Variants in GRIA4 observed in about 807,000 individuals in gnomAD.
GRIA4 encodes the protein glutamate receptor 4.
Under a neutral mutation model 104.0 loss-of-function variants are expected in GRIA4, and 34 were observed. The ratio of observed to expected loss-of-function variants is 0.33; its 90% CI spans 0.25 to 0.44. GRIA4 has a LOEUF of 0.44. Ranked by LOEUF, GRIA4 falls within the 20% of genes least tolerant of loss-of-function variation. The pLI is 1.00. For synonymous variants in GRIA4, 386 were observed against 381.9 expected, an observed-to-expected ratio of 1.01 and a Z score of -0.13; for missense variants, 750 against 1,096.5, an observed-to-expected ratio of 0.68 and a Z score of 4.46.
chr11:105,769,912 T>C (rs551972367), intron 4 of GRIA4, among the ~76,000 whole-genome samples: 27 of 152,226 alleles, frequency 1.8e-4, no homozygotes, highest in South Asian at 6.2e-4. Context: ...GAGATATTTT[T>C]CCCCTAATTT....
chr11:105,815,324 T>A (rs1943332733), intron 4 of GRIA4, among the ~76,000 whole-genome samples: 2 of 152,158 alleles, frequency 1.3e-5, no homozygotes, highest in Admixed American at 1.3e-4. Context: ...AAATTTGCTG[T>A]TCCCCAAAAC....
At chr11:105,616,162 AATTG>A (rs1321020955) in intron 3 of GRIA4, among the ~76,000 whole-genome samples, 2 of 151,722 alleles carry the variant, frequency 1.3e-5, no homozygotes, top group East Asian at 1.9e-4. Flanking sequence ...AGAAAGGACT[AATTG>A]ATTAATATTT....
chr11:105,612,463 A>C, intron 3 of GRIA4, 29 bp downstream of exon 3: 1 of 1,599,006 alleles, frequency 6.3e-7, no homozygotes. Context: ...ATGAAAAATT[A>C]GAAGAGAACT....
chr11:105,626,610 A>G (rs1950893202), intron 3 of GRIA4, among the ~76,000 whole-genome samples: 1 of 152,134 alleles, frequency 6.6e-6, no homozygotes, highest in Non-Finnish European at 1.5e-5. Flanking sequence ...CTAAACACGA[A>G]CATTTCATTA....
rs148971710 is a variant in GRIA4 at position 105,640,818 on chromosome 11, G to C, written c.247+28384G>C. On this transcript the variant is annotated intron_variant, in intron 3 of 16. Coordinates refer to ENST00000282499, the MANE Select transcript of GRIA4 (RefSeq NM_000829.4). ...TATGCATTTTAGAATTAGATAACTA[G>C]TCATAGCTAATTATTTTCATTTTGT... 2.6e-5 allele frequency among the ~76,000 whole-genome samples: 4 copies of C among 152,016 alleles called. No individual in the cohort carries two copies. The East Asian group carries it at 7.7e-4, about 29-fold the overall frequency.
intron 4 of GRIA4, among the ~76,000 whole-genome samples, chr11:105,813,260 C>T (rs1475513132): frequency 6.6e-6 from 1 of 151,984 alleles, no homozygotes; most frequent in Non-Finnish European, 1.5e-5. Flanking sequence ...CATAAAACTA[C>T]CTCTCATCTG....
chr11:105,688,113 T>C (rs938142228), intron 3 of GRIA4, among the ~76,000 whole-genome samples: 2 of 67,664 alleles, frequency 3.0e-5, no homozygotes, highest in Admixed American at 4.0e-4. Context: ...CATATCTATA[T>C]CTATATCTAT....
At chr11:105,714,689 A>G (rs1346518828) in intron 3 of GRIA4, among the ~76,000 whole-genome samples, 2 of 152,176 alleles carry the variant, frequency 1.3e-5, no homozygotes, top group East Asian at 3.8e-4. Context: ...GCCAATAAAG[A>G]TATTTATTAA....
intron 4 of GRIA4, among the ~76,000 whole-genome samples, chr11:105,781,628 T>A (rs1015681082): frequency 1.3e-5 from 2 of 152,106 alleles, no homozygotes; most frequent in African/African-American, 4.8e-5. Context: ...AAGAAAAAAA[T>A]TTACCTCATT....
chr11:105,913,763 A>G (rs573100269), intron 10 of GRIA4, among the ~76,000 whole-genome samples: 9 of 152,172 alleles, frequency 5.9e-5, no homozygotes, highest in African/African-American at 2.2e-4. Flanking sequence ...TTACTACCGA[A>G]GTTAAGGGAT....
At chr11:105,960,521 T>C (rs1948712677) in intron 14 of GRIA4, among the ~76,000 whole-genome samples, 1 of 152,144 alleles carries the variant, frequency 6.6e-6, no homozygotes, top group South Asian at 2.1e-4. Context: ...CCTGGAGCTA[T>C]AGAAATGGGT....
chr11:105,661,581 T>A (rs2135412031), intron 3 of GRIA4, among the ~76,000 whole-genome samples: 1 of 151,846 alleles, frequency 6.6e-6, no homozygotes, highest in East Asian at 1.9e-4. Context: ...AAGAAAATGT[T>A]CATACCTTTA....
chr11:105,921,540 C>T (rs1947564625), intron 11 of GRIA4, among the ~76,000 whole-genome samples: 1 of 152,144 alleles, frequency 6.6e-6, no homozygotes, highest in African/African-American at 2.4e-5. Flanking sequence ...TTTCTAGACT[C>T]TCACCTATCT....
rs573837297 is a variant in GRIA4, at chr11:105,683,292, TAATA to T, written c.248-69684_248-69681del. 1.9e-3 allele frequency among the ~76,000 whole-genome samples: 294 copies of T among 151,834 alleles called. 1 individual carries two copies. Among genetic ancestry groups the T allele is most frequent in the African/African-American group, 6.9e-3 (285 of 41,540 alleles). ...GATGCCTCTTTAGATTATATTATAT[TAATA>T]AATATTCTTAATTAATATTTTCTCT... On this transcript the variant is annotated intron_variant, in intron 3 of 16. Coordinates refer to ENST00000282499, the MANE Select transcript of GRIA4 (RefSeq NM_000829.4).
chr11:105,770,415 CAT>C lies in GRIA4; in HGVS notation c.487+17198_487+17199del, dbSNP rs1326395117. Among the ~76,000 whole-genome samples, 3 of 152,148 alleles carry C rather than the reference CAT, an allele frequency of 2.0e-5. 1 individual carries two copies. The highest frequency in any genetic ancestry group is 7.2e-5 in the African/African-American group (3 of 41,552). ...TATATTTTCTTTCTTAGTTTCTCAA[CAT>C]ATGTTTGTGTAAGTTAAATAAGTTT... On this transcript the variant is annotated intron_variant, in intron 4 of 16. Coordinates refer to ENST00000282499, the MANE Select transcript of GRIA4 (RefSeq NM_000829.4).
chr11:105,908,066 C>T (rs1277335853), intron 9 of GRIA4, among the ~76,000 whole-genome samples: 1 of 152,144 alleles, frequency 6.6e-6, no homozygotes, highest in East Asian at 1.9e-4. Context: ...CAAAGCAGCT[C>T]TCCAAGGAAC....
At chr11:105,681,320 G>C (rs1187162966) in intron 3 of GRIA4, among the ~76,000 whole-genome samples, 1 of 152,180 alleles carries the variant, frequency 6.6e-6, no homozygotes. Context: ...AGAGATGGGG[G>C]ATGAAACAAT....
At chr11:105,653,804 A>C (rs957956789) in intron 3 of GRIA4, among the ~76,000 whole-genome samples, 7 of 151,894 alleles carry the variant, frequency 4.6e-5, no homozygotes, top group African/African-American at 1.7e-4. Flanking sequence ...CCTGGGGAAA[A>C]TCCTGACTTA....
At chr11:105,974,489 T>C (rs1390995938) in intron 16 of GRIA4, 45 bp downstream of exon 16, 28 of 1,613,696 alleles carry the variant, frequency 1.7e-5, no homozygotes, top group Non-Finnish European at 2.2e-5. Context: ...CCTCGCAGAA[T>C]ACCCAGAATT....
Sources: gnomAD v4.1 joint callset for allele counts (sites outside exome capture counted in the v4.1 genomes callset) on GRCh38, gnomAD v4.1.1 for gene constraint, MANE v1.5 for transcripts, NCBI Gene and HGNC (gene_info 2026-07-23, HGNC 2026-07-21) for gene names.